Variants in SNAP47 observed in about 807,000 individuals in gnomAD.
The protein encoded by SNAP47 is synaptosome associated protein 47.
In SNAP47, 20 loss-of-function variants were observed where a neutral mutation model predicts 31.4. That is an observed-to-expected ratio of 0.64 (90% CI 0.45 to 0.93). SNAP47 has a LOEUF of 0.93. Among genes scored for constraint, SNAP47 ranks in the 40% least tolerant of loss-of-function variants. The pLI, the probability that SNAP47 is intolerant of heterozygous loss-of-function variation, is 0.00. For synonymous variants in SNAP47, 194 were observed against 213.4 expected (o/e 0.91, Z 0.79); for missense variants, 492 against 528.5 (o/e 0.93, Z 0.68).
chr1:227,775,799 C>G (rs1664124651), intron 4 of SNAP47: 1 of 1,304,034 alleles, frequency 7.7e-7, no homozygotes, highest in Admixed American at 2.3e-5. Context: ...GGCTTCCGGC[C>G]TATGTCGCTG....
upstream of SNAP47, chr1:227,734,984 C>T (rs369774510): frequency 1.5e-4 from 227 of 1,508,718 alleles, 2 homozygotes; most frequent in South Asian, 2.9e-3. Flanking sequence ...CTTTCCTCCC[C>T]GCCCGGGGTC....
chr1:227,769,578 G>C (rs545987616), intron 4 of SNAP47, among the ~76,000 whole-genome samples: 2 of 152,118 alleles, frequency 1.3e-5, no homozygotes, highest in African/African-American at 4.8e-5. Flanking sequence ...ATGCTGAAAC[G>C]TGTCCCAGTG....
chr1:227,753,297 C>G (rs1034082083), intron 2 of SNAP47, among the ~76,000 whole-genome samples: 11 of 152,224 alleles, frequency 7.2e-5, no homozygotes, highest in Non-Finnish European at 1.2e-4. Flanking sequence ...ACTAATAGGC[C>G]TTGTTAACAT....
chr1:227,740,719 A>G (rs1661531012), intron 1 of SNAP47, among the ~76,000 whole-genome samples: 3 of 152,154 alleles, frequency 2.0e-5, no homozygotes, highest in African/African-American at 7.2e-5. Context: ...GGGTGGGGAC[A>G]CAGCTGCCAG....
In SNAP47 at chr1:227,767,061, C is replaced by T. The variant is rs1663458700; in HGVS notation, c.1091C>T (p.Ala364Val). The T allele has an allele frequency of 6.2e-7, 1 of 1,614,106 alleles. No individual in the cohort carries two copies. Among genetic ancestry groups the T allele is most frequent in the Non-Finnish European group, 8.5e-7 (1 of 1,180,022 alleles). The part of the protein sequence containing the change: ...LQTSLPALSE[A>V]DTQELTQILR... The stretch of plus-strand genomic sequence containing the variant: ...ACAAGCCTGCCAGCCCTTTCTGAGG[C>T]AGATACCCAGGAACTAACCCAGGTA... The change falls in exon 4 of 5, where the codon GCA (alanine) becomes GTA (valine). Residue 364 changes from alanine to valine, a missense_variant. Transcript: ENST00000617596.
At chr1:227,748,658 C>T (rs77157578) in intron 2 of SNAP47, among the ~76,000 whole-genome samples, 1,529 of 152,274 alleles carry the variant, frequency 0.01, 18 homozygotes, top group Non-Finnish European at 0.017. Context: ...GTCTTGATGA[C>T]GGCCTCTGTT....
intron 2 of SNAP47, among the ~76,000 whole-genome samples, chr1:227,755,526 A>G (rs543074760): frequency 7.2e-5 from 11 of 152,238 alleles, no homozygotes; most frequent in African/African-American, 2.6e-4. Flanking sequence ...AGCTGGGATA[A>G]CAGGTGCACA....
chr1:227,775,165 C>T (rs1046226667), intron 4 of SNAP47, among the ~76,000 whole-genome samples: 3 of 152,350 alleles, frequency 2.0e-5, no homozygotes, highest in African/African-American at 4.8e-5. Context: ...GGGTGGTCTG[C>T]GAGTGCCGAG....
chr1:227,733,109 AC>A (rs923361692), upstream of SNAP47: 107 of 1,475,588 alleles, frequency 7.3e-5, no homozygotes, highest in African/African-American at 1.3e-3. Flanking sequence ...CCAGGAACCC[AC>A]TGTGGGGTCC....
chr1:227,733,775 G>A, upstream of SNAP47: 2 of 1,582,030 alleles, frequency 1.3e-6, no homozygotes, highest in Non-Finnish European at 1.7e-6. Context: ...AGGAGGGGTG[G>A]CCCCTTGGTC....
At chr1:227,735,937 AGTGGGGACCTGGAGAGGACG>A (rs1386320208) in intron 1 of SNAP47, among the ~76,000 whole-genome samples, 4 of 107,164 alleles carry the variant, frequency 3.7e-5, no homozygotes, top group Non-Finnish European at 5.9e-5. Flanking sequence ...GGATGGGTAC[AGTGGGGACCTGGAGAGGACG>A]GTGGGGACCT....
chr1:227,775,893 G>T lies in SNAP47; in HGVS notation c.1114-4634G>T, dbSNP rs144043004. On this transcript the variant is annotated intron_variant, in intron 4 of 4. Coordinates refer to ENST00000617596, the MANE Select transcript of SNAP47 (RefSeq NM_053052.4). ...AGAGACTTTCCTAGCAGGGCAGCAA[G>T]CGGAAGCTTTTCTTCCAGAACAGCC... 1.9e-3 allele frequency: 2,445 copies of T among 1,303,294 alleles called. 73 individuals are homozygous for T. The Admixed American group carries it at 0.043, about 23-fold the overall frequency. 80.7% of individuals were successfully genotyped at this position (1,303,294 alleles called of 1,614,324 possible).
intron 4 of SNAP47, among the ~76,000 whole-genome samples, chr1:227,770,174 G>C (rs1663704723): frequency 6.6e-6 from 1 of 152,230 alleles, no homozygotes; most frequent in African/African-American, 2.4e-5. Flanking sequence ...GCGTACCACT[G>C]CCTGTGACGT....
chr1:227,777,122 T>TA (rs1245006220), intron 4 of SNAP47: 2 of 741,174 alleles, frequency 2.7e-6, no homozygotes, highest in African/African-American at 3.9e-5. Flanking sequence ...AAAAAAAAGT[T>TA]ATTTTATTTT....
intron 4 of SNAP47, chr1:227,776,167 CAG>C (rs1396446400): frequency 1.7e-6 from 2 of 1,148,606 alleles, no homozygotes; most frequent in Non-Finnish European, 2.2e-6. Flanking sequence ...CTCAGGACCA[CAG>C]AGTCTGGCCA....
At chr1:227,773,885 A>G (rs1268587598) in intron 4 of SNAP47, among the ~76,000 whole-genome samples, 1 of 152,246 alleles carries the variant, frequency 6.6e-6, no homozygotes, top group South Asian at 2.1e-4. Context: ...ATGCATCCAC[A>G]TCATTAGGCA....
chr1:227,766,484 G>A (rs906886550), intron 3 of SNAP47, among the ~76,000 whole-genome samples: 1 of 152,168 alleles, frequency 6.6e-6, no homozygotes, highest in African/African-American at 2.4e-5. Context: ...GCCTGACCAC[G>A]GGCAGCTCTG....
At chr1:227,751,420 G>A (rs552136773) in intron 2 of SNAP47, among the ~76,000 whole-genome samples, 4 of 152,326 alleles carry the variant, frequency 2.6e-5, no homozygotes, top group Admixed American at 2.0e-4. Context: ...AGCAGAGTGA[G>A]GCCCTGTGCC....
chr1:227,734,461 A>G (rs546563473), upstream of SNAP47: 111 of 525,710 alleles, frequency 2.1e-4, no homozygotes, highest in African/African-American at 1.9e-3. Context: ...AAAAAAAACC[A>G]TATTGACCTC....
Sources: allele counts gnomAD v4.1 joint callset (sites outside exome capture counted in the v4.1 genomes callset), GRCh38; gene constraint gnomAD v4.1.1; transcripts MANE v1.5; gene names NCBI Gene and HGNC (gene_info 2026-07-23, HGNC 2026-07-21).